Variants in PGGT1B observed in about 807,000 individuals in gnomAD.
The protein encoded by PGGT1B is protein geranylgeranyltransferase type I subunit beta.
Under a neutral mutation model 46.1 loss-of-function variants are expected in PGGT1B, and 30 were observed. The ratio of observed to expected loss-of-function variants is 0.65; its 90% CI spans 0.49 to 0.88. PGGT1B has a LOEUF of 0.88. Among genes scored for constraint, PGGT1B ranks in the 40% least tolerant of loss-of-function variants. The pLI is 0.00. For synonymous variants in PGGT1B, 170 were observed against 160.0 expected, an observed-to-expected ratio of 1.06 and a Z score of -0.47; for missense variants, 376 against 455.9, an observed-to-expected ratio of 0.82 and a Z score of 1.60.
chr5:115,262,608 C>T (rs1244975147), intron 1 of PGGT1B, 104 bp downstream of exon 1: 1 of 1,330,098 alleles, frequency 7.5e-7, no homozygotes, highest in Non-Finnish European at 1.0e-6. Flanking sequence ...AACTGGGCGG[C>T]CGCGCAGCCC....
rs776707932 is a variant in PGGT1B at position 115,221,921 on chromosome 5, T to C, written c.746A>G (p.Lys249Arg). The change falls in exon 7 of 9, where the codon AAG (lysine) becomes AGG (arginine). Residue 249 changes from lysine to arginine, a missense_variant. Physicochemically the swap from Lys to Arg is conservative, Grantham distance 26. Transcript: ENST00000419445. ...VFSEKELNRI[K>R]RWCIMRQQNG... The stretch of plus-strand genomic sequence containing the variant: ...TTGTTGCCTCATTATACACCACCTC[T>C]TTATCCTGTTCAATTCTTTTTCTGA... 6.2e-7 allele frequency: 1 copy of C among 1,608,562 alleles called. No homozygotes were observed. The highest frequency in any genetic ancestry group is 1.7e-5 in the Admixed American group (1 of 59,582).
At chr5:115,233,545 G>GAAAAAAAAAAAAAAAAA (rs202078462) in intron 5 of PGGT1B, among the ~76,000 whole-genome samples, 2 of 131,878 alleles carry the variant, frequency 1.5e-5, no homozygotes. Flanking sequence ...AAAAAAGAAG[G>GAAAAAAAAAAAAAAAAA]AAAAAAAAAA....
At chr5:115,231,640 G>A (rs575603328) in intron 5 of PGGT1B, 1 of 152,034 alleles carries the variant, frequency 6.6e-6, no homozygotes, top group Admixed American at 6.6e-5. Context: ...CCTTTGCAGA[G>A]AGCAAGGGTG....
intron 1 of PGGT1B, among the ~76,000 whole-genome samples, chr5:115,255,523 T>C (rs1748274052): frequency 6.6e-6 from 1 of 152,140 alleles, no homozygotes; most frequent in African/African-American, 2.4e-5. Flanking sequence ...ATATTTATAG[T>C]CAGGTACAAT....
At chr5:115,233,142 A>G (rs1337361399) in intron 5 of PGGT1B, among the ~76,000 whole-genome samples, 1 of 152,042 alleles carries the variant, frequency 6.6e-6, no homozygotes, top group African/African-American at 2.4e-5. Flanking sequence ...ACCTAAGTAT[A>G]TGAAAATCTG....
intron 5 of PGGT1B, chr5:115,231,630 C>T (rs1756987403): frequency 1.3e-5 from 2 of 152,004 alleles, no homozygotes; most frequent in Non-Finnish European, 2.9e-5. Context: ...ACTCTACACA[C>T]CTTTGCAGAG....
At chr5:115,239,117 A>G (rs1757275273) in intron 3 of PGGT1B, among the ~76,000 whole-genome samples, 1 of 151,856 alleles carries the variant, frequency 6.6e-6, no homozygotes, top group East Asian at 1.9e-4. Flanking sequence ...CGCTCACTGC[A>G]ACCTCCGCCT....
rs57405842 is a variant in PGGT1B, at chr5:115,254,601, CT to C, written c.141-1347del. 3.4e-3 allele frequency among the ~76,000 whole-genome samples: 490 copies of C among 143,254 alleles called. 1 individual carries two copies. The highest frequency in any genetic ancestry group is 5.0e-3 in the Non-Finnish European group (329 of 65,572). 94.0% of individuals were successfully genotyped at this position (143,254 alleles called of 152,430 possible). ...AGATGAGAAAATAGTGATTTCTTCT[CT>C]TTTTTTTTTTTTTAAGGGCAAATTA... On this transcript the variant is annotated intron_variant, in intron 1 of 8. Coordinates refer to ENST00000419445, the MANE Select transcript of PGGT1B (RefSeq NM_005023.4).
At chr5:115,218,841 A>G (rs2126991872) in intron 7 of PGGT1B, among the ~76,000 whole-genome samples, 1 of 152,002 alleles carries the variant, frequency 6.6e-6, no homozygotes, top group South Asian at 2.1e-4. Flanking sequence ...TAAGAAAGCA[A>G]TTTCATTTAC....
At chr5:115,218,383 T>A (rs1756484131) in intron 7 of PGGT1B, among the ~76,000 whole-genome samples, 1 of 128,122 alleles carries the variant, frequency 7.8e-6, no homozygotes, top group Non-Finnish European at 1.6e-5. Context: ...AATTTAAGCA[T>A]TATATGTGTG....
rs1486532114 is a variant in PGGT1B, at chr5:115,215,617, G to T, written c.952+1248C>A. 3.9e-5 allele frequency among the ~76,000 whole-genome samples: 6 copies of T among 152,274 alleles called. No individual in the cohort carries two copies. In the East Asian group the frequency reaches 1.2e-3, roughly 29 times the overall value. ...CTGGCCTAGGAAGCATGTTTTATAT[G>T]AAAATATAGGCAAGTAGGGGTGTAA... On this transcript the variant is annotated intron_variant, in intron 8 of 8. Transcript: ENST00000419445.
At chr5:115,224,878 A>C (rs1305236573) in intron 6 of PGGT1B, among the ~76,000 whole-genome samples, 3 of 151,914 alleles carry the variant, frequency 2.0e-5, no homozygotes, top group Non-Finnish European at 4.4e-5. Context: ...AGAGTGTTAA[A>C]GGCAGACATA....
At chr5:115,217,894 T>C (rs750836656) in intron 7 of PGGT1B, among the ~76,000 whole-genome samples, 21 of 151,984 alleles carry the variant, frequency 1.4e-4, no homozygotes, top group South Asian at 2.1e-4. Flanking sequence ...AAAATTATAA[T>C]AGTAACACTG....
In PGGT1B at chr5:115,222,825, G is replaced by A. The variant is rs183168149; in HGVS notation, c.659-817C>T. ...GAGTTCACGTCCTTTGTAGGGACAC[G>A]GATGAAGCTGGAAACCACCATTCTG... is the stretch of plus-strand genomic sequence containing the variant. On this transcript the variant is annotated intron_variant, in intron 6 of 8. Transcript: ENST00000419445. 4.8e-3 allele frequency among the ~76,000 whole-genome samples: 727 copies of A among 152,264 alleles called. 3 individuals carry two copies. Among genetic ancestry groups the A allele is most frequent in the Non-Finnish European group, 8.2e-3 (561 of 68,022 alleles).
At chr5:115,220,602 T>C (rs988665231) in intron 7 of PGGT1B, among the ~76,000 whole-genome samples, 2 of 151,948 alleles carry the variant, frequency 1.3e-5, no homozygotes, top group South Asian at 4.1e-4. Context: ...TAGTATAATG[T>C]GCTATGTATA....
rs1756154588 is a variant in PGGT1B at position 115,209,300 on chromosome 5, T to C, written c.*3102A>G. The C allele has an allele frequency of 6.6e-6, 1 of 152,068 alleles. No individual in the cohort carries two copies. The highest frequency in any genetic ancestry group is 6.6e-5 in the Admixed American group (1 of 15,216). The allele number at this position is 152,068 out of a possible 1,614,324, so 9.4% of individuals were successfully genotyped here. On this transcript the variant is annotated 3_prime_UTR_variant, in exon 9 of 9. Transcript: ENST00000419445. ...CATAAGCTTCAAGAGGTACACAGCGTAAAACCCAGACAGCTCTAATGCAAT... is the reference window on the plus strand; with the variant it reads ...CATAAGCTTCAAGAGGTACACAGCGCAAAACCCAGACAGCTCTAATGCAAT...
Position 115,206,400 on chromosome 5 carries a change from A to T in PGGT1B, c.*6002T>A, listed in dbSNP as rs994080149. On this transcript the variant is annotated 3_prime_UTR_variant, in exon 9 of 9. Coordinates refer to ENST00000419445, the MANE Select transcript of PGGT1B (RefSeq NM_005023.4). ...AAGTGAAATAAGCTATATATTTTTT[A>T]AAATTGTAAATATCTGAATAATTAA... The T allele has an allele frequency of 2.0e-5, 3 of 152,018 alleles. No individual in the cohort carries two copies. The highest frequency in any genetic ancestry group is 4.8e-5 in the African/African-American group (2 of 41,442). 9.4% of individuals were successfully genotyped at this position (152,018 alleles called of 1,614,324 possible).
chr5:115,262,420 A>C, intron 1 of PGGT1B: 1 of 412,264 alleles, frequency 2.4e-6, no homozygotes, highest in Middle Eastern at 6.9e-4. Flanking sequence ...GTAATGAGGC[A>C]AAGTGACAGG....
chr5:115,242,741 C>T (rs1757383743), intron 2 of PGGT1B, among the ~76,000 whole-genome samples: 2 of 152,114 alleles, frequency 1.3e-5, no homozygotes, highest in South Asian at 2.1e-4. Context: ...CAGAGGAGGG[C>T]GGATCACCTG....
Sources: gnomAD v4.1 joint callset for allele counts (sites outside exome capture counted in the v4.1 genomes callset) on GRCh38, gnomAD v4.1.1 for gene constraint, MANE v1.5 for transcripts, NCBI Gene and HGNC (gene_info 2026-07-23, HGNC 2026-07-21) for gene names.